The following FARP2 variants were observed in gnomAD, a reference collection of about 807,000 sequenced individuals.
The protein encoded by FARP2 is FERM, ARHGEF and pleckstrin domain-containing protein 2.
FARP2 carries 111 observed loss-of-function variants against 130.5 expected under a neutral mutation model. The observed-to-expected ratio is 0.85, with a 90% confidence interval of 0.73 to 1.00. The LOEUF (loss-of-function observed/expected upper bound fraction) is 1.00, where lower values mean the gene tolerates loss of function less well. Ranked by LOEUF, FARP2 falls within the 50% of genes least tolerant of loss-of-function variation. FARP2 has a pLI of 0.00. For synonymous variants in FARP2, 504 were observed against 516.9 expected (o/e 0.98, Z 0.34); for missense variants, 1,385 against 1,346.3 (o/e 1.03, Z -0.45).
At chr2:241,487,692 A>G (rs2064789126) in intron 21 of FARP2, among the ~76,000 whole-genome samples, 1 of 115,580 alleles carries the variant, frequency 8.7e-6, no homozygotes, top group Admixed American at 8.2e-5. Flanking sequence ...AAAGAAAAGA[A>G]AATGCATTTA....
chr2:241,478,676 A>C (rs2064536932), intron 19 of FARP2: 1 of 485,926 alleles, frequency 2.1e-6, no homozygotes, highest in Admixed American at 2.3e-5. Context: ...AGAATTTTAC[A>C]GTATCACTTC....
intron 2 of FARP2, among the ~76,000 whole-genome samples, chr2:241,400,575 C>T (rs2062142244): frequency 6.6e-6 from 1 of 152,224 alleles, no homozygotes; most frequent in African/African-American, 2.4e-5. Context: ...TTATCAGATT[C>T]TCAAAGCATT....
intron 19 of FARP2, among the ~76,000 whole-genome samples, chr2:241,481,680 C>T (rs548888363): frequency 6.2e-4 from 94 of 152,270 alleles, no homozygotes; most frequent in Middle Eastern, 3.4e-3. Flanking sequence ...CTCCTAGTAA[C>T]CTCTGTGCAG....
chr2:241,472,965 AAG>A (rs1437894297), intron 18 of FARP2, among the ~76,000 whole-genome samples: 1 of 146,400 alleles, frequency 6.8e-6, no homozygotes, highest in East Asian at 2.1e-4. Context: ...CCCTGTTCTG[AAG>A]GGATCCTTTT....
chr2:241,483,381 G>A (rs545294460), intron 19 of FARP2, 84 bp from the exon 20 acceptor site: 14 of 1,169,490 alleles, frequency 1.2e-5, no homozygotes, highest in Middle Eastern at 2.3e-4. Context: ...GCGGCCACAA[G>A]GCTATTCCTG....
Position 241,389,928 on chromosome 2 carries a change from G to GCATGAAC in FARP2, c.184-13900_184-13899insCATGAAC, listed in dbSNP as rs3067906. On this transcript the variant is annotated intron_variant, in intron 2 of 26. Coordinates refer to ENST00000264042, the MANE Select transcript of FARP2 (RefSeq NM_014808.4). ...AAGTTCATGCCATGACTCGAGCTTG[G>GCATGAAC]TATGTGGGTTTGGATGTGACTTGCT... Among the ~76,000 whole-genome samples, 137 of 152,262 alleles carry GCATGAAC rather than the reference G, an allele frequency of 9.0e-4. 1 individual carries two copies. The highest frequency in any genetic ancestry group is 3.5e-3 in the Admixed American group (53 of 15,282).
At chr2:241,448,372 A>C (rs2063560689) in intron 13 of FARP2, among the ~76,000 whole-genome samples, 1 of 152,254 alleles carries the variant, frequency 6.6e-6, no homozygotes, top group Non-Finnish European at 1.5e-5. Flanking sequence ...TAGATGGTAA[A>C]AACCATGTGG....
chr2:241,470,869 G>C (rs1487990596), intron 18 of FARP2, among the ~76,000 whole-genome samples: 1 of 151,018 alleles, frequency 6.6e-6, no homozygotes, highest in Non-Finnish European at 1.5e-5. Context: ...AAGAGATGCT[G>C]TTCGCAGGGG....
At chr2:241,385,423 G>A (rs2061760921) in intron 2 of FARP2, among the ~76,000 whole-genome samples, 1 of 151,992 alleles carries the variant, frequency 6.6e-6, no homozygotes, top group Non-Finnish European at 1.5e-5. Flanking sequence ...AAAAAATTCA[G>A]TCAATATAAA....
intron 2 of FARP2, among the ~76,000 whole-genome samples, chr2:241,383,014 C>T (rs1021797313): frequency 3.9e-5 from 6 of 152,144 alleles, no homozygotes; most frequent in Non-Finnish European, 7.3e-5. Flanking sequence ...CTGGAGACTT[C>T]GCAGAAAGTG....
At chr2:241,406,921 C>T (rs2062370321) in intron 4 of FARP2, among the ~76,000 whole-genome samples, 1 of 152,142 alleles carries the variant, frequency 6.6e-6, no homozygotes, top group African/African-American at 2.4e-5. Context: ...CATTGTCCTG[C>T]CTCAGCCTCT....
intron 18 of FARP2, among the ~76,000 whole-genome samples, chr2:241,474,231 G>A (rs1222915598): frequency 8.5e-5 from 12 of 141,048 alleles, no homozygotes; most frequent in African/African-American, 1.8e-4. Context: ...GCATGAACCC[G>A]GGAGGCGGAG....
intron 13 of FARP2, chr2:241,442,196 G>A: frequency 2.2e-6 from 1 of 455,672 alleles, no homozygotes; most frequent in South Asian, 1.5e-5. Context: ...CTACGTGGTG[G>A]GCTGTCTGTG....
At chr2:241,399,847 G>A (rs536423146) in intron 2 of FARP2, among the ~76,000 whole-genome samples, 10 of 152,248 alleles carry the variant, frequency 6.6e-5, no homozygotes, top group African/African-American at 2.4e-4. Flanking sequence ...ATGGTGTGAG[G>A]TTGGAGTCAG....
chr2:241,436,596 AAT>A, intron 12 of FARP2, 58 bp downstream of exon 12: 1 of 1,340,324 alleles, frequency 7.5e-7, no homozygotes, highest in East Asian at 2.3e-5. Flanking sequence ...TCTTTTGGAA[AAT>A]AGTCTGTCAG....
chr2:241,409,773 C>T (rs2062468143), intron 5 of FARP2, among the ~76,000 whole-genome samples: 1 of 152,148 alleles, frequency 6.6e-6, no homozygotes, highest in South Asian at 2.1e-4. Context: ...ATGCTGTGGA[C>T]ATTTTTCCAT....
chr2:241,365,148 G>A (rs1310050661), intron 1 of FARP2, among the ~76,000 whole-genome samples: 1 of 152,106 alleles, frequency 6.6e-6, no homozygotes, highest in Non-Finnish European at 1.5e-5. Context: ...AAAAATTATT[G>A]CTAGATTTGT....
At chr2:241,452,204 C>T (rs1369872703) in intron 13 of FARP2, among the ~76,000 whole-genome samples, 1 of 152,224 alleles carries the variant, frequency 6.6e-6, no homozygotes. Flanking sequence ...TCGTATGTCA[C>T]TGTGGAAAGC....
At chr2:241,491,364 G>A (rs1364709584) in intron 23 of FARP2, 152 bp from the exon 24 acceptor site, 2 of 881,096 alleles carry the variant, frequency 2.3e-6, no homozygotes, top group Non-Finnish European at 3.5e-6. Flanking sequence ...TCTGGCAGAA[G>A]CACCTGTAGT....
Sources: gnomAD v4.1 joint callset for allele counts (sites outside exome capture counted in the v4.1 genomes callset) on GRCh38, gnomAD v4.1.1 for gene constraint, MANE v1.5 for transcripts, NCBI Gene and HGNC (gene_info 2026-07-23, HGNC 2026-07-21) for gene names.